The following RAD18 variants were observed in gnomAD, a reference collection of about 807,000 sequenced individuals.
RAD18 encodes RAD18 E3 ubiquitin protein ligase, also known as E3 ubiquitin-protein ligase RAD18.
RAD18 carries 47 observed loss-of-function variants against 60.4 expected under a neutral mutation model. The ratio of observed to expected loss-of-function variants is 0.78; its 90% CI spans 0.62 to 0.99. RAD18 has a LOEUF of 0.99. RAD18 is among the 50% of genes least tolerant of loss of function. The pLI is 0.00. For missense variants in RAD18, 640 were observed against 593.3 expected (o/e 1.08, Z -0.82); for synonymous variants, 225 against 195.5 (o/e 1.15, Z -1.26).
chr3:8,885,307 A>G (rs1307372072), intron 12 of RAD18, among the ~76,000 whole-genome samples: 1 of 152,176 alleles, frequency 6.6e-6, no homozygotes, highest in Non-Finnish European at 1.5e-5. Context: ...AGTACTTTCA[A>G]TTACAGTAAT....
At chr3:8,885,480 GAGAT>G (rs1313850757) in intron 12 of RAD18, among the ~76,000 whole-genome samples, 1 of 152,214 alleles carries the variant, frequency 6.6e-6, no homozygotes. Flanking sequence ...AAGGCACTAT[GAGAT>G]AGAGACAAAG....
chr3:8,914,360 C>T (rs576632200), intron 7 of RAD18, among the ~76,000 whole-genome samples: 1 of 152,316 alleles, frequency 6.6e-6, no homozygotes, highest in African/African-American at 2.4e-5. Flanking sequence ...CCCTAACCCT[C>T]ATTTATACTT....
chr3:8,901,357 A>G (rs1199766081), intron 10 of RAD18, among the ~76,000 whole-genome samples: 1 of 152,234 alleles, frequency 6.6e-6, no homozygotes, highest in Non-Finnish European at 1.5e-5. Context: ...ACCAATGCTC[A>G]TAGCAGCATT....
At chr3:8,916,065 A>G (rs2125056514) in intron 7 of RAD18, among the ~76,000 whole-genome samples, 1 of 152,320 alleles carries the variant, frequency 6.6e-6, no homozygotes, top group Middle Eastern at 3.4e-3. Flanking sequence ...CCCTGAAGAA[A>G]AAAAGCATTA....
At chr3:8,935,076 C>A (rs1489589804) in intron 7 of RAD18, among the ~76,000 whole-genome samples, 1 of 152,172 alleles carries the variant, frequency 6.6e-6, no homozygotes, top group Admixed American at 6.5e-5. Flanking sequence ...TGGGAGGGGG[C>A]AGATAGGGCT....
intron 3 of RAD18, among the ~76,000 whole-genome samples, chr3:8,948,210 A>G (rs1461687188): frequency 6.6e-6 from 1 of 152,224 alleles, no homozygotes; most frequent in Non-Finnish European, 1.5e-5. Flanking sequence ...TCATACCACC[A>G]GAGTTTCTAC....
intron 7 of RAD18, among the ~76,000 whole-genome samples, chr3:8,922,889 G>T (rs979907883): frequency 1.9e-4 from 29 of 152,138 alleles, no homozygotes; most frequent in Non-Finnish European, 1.3e-4. Flanking sequence ...CAAACAGAAA[G>T]GTCATCCACA....
chr3:8,910,299 A>G (rs1940084400), intron 9 of RAD18, among the ~76,000 whole-genome samples: 1 of 152,244 alleles, frequency 6.6e-6, no homozygotes, highest in Non-Finnish European at 1.5e-5. Context: ...AAAGAGAATT[A>G]TTAGTTATAA....
intron 7 of RAD18, among the ~76,000 whole-genome samples, chr3:8,924,157 C>T (rs1940381980): frequency 1.3e-5 from 2 of 152,150 alleles, no homozygotes; most frequent in Admixed American, 6.5e-5. Flanking sequence ...GTGCTGTATT[C>T]AGGAAACTCA....
In RAD18 at chr3:8,890,433, T is replaced by C; in HGVS notation, c.1341A>G (p.Ile447Met). Residue 447 changes from isoleucine to methionine, a missense_variant, in exon 12 of 13, where the codon ATA (isoleucine) becomes ATG (methionine). Physicochemically the swap from Ile to Met is conservative, Grantham distance 10. Coordinates refer to ENST00000264926, the MANE Select transcript of RAD18 (RefSeq NM_020165.4). ...DSCNSSSSDIIRDLLEEEEAW... is the reference protein window; with the variant it reads ...DSCNSSSSDIMRDLLEEEEAW... ...CTTCCTCTTCTTCTAAAAGATCTCT[T>C]ATGATGTCTGAACTGGAACTAAAAG... 1 of 1,592,886 alleles carries C rather than the reference T, an allele frequency of 6.3e-7. No homozygotes were observed. Among genetic ancestry groups the C allele is most frequent in the East Asian group, 2.2e-5 (1 of 44,736 alleles).
chr3:8,951,617 C>T (rs1261397938), intron 2 of RAD18, among the ~76,000 whole-genome samples: 1 of 152,168 alleles, frequency 6.6e-6, no homozygotes, highest in African/African-American at 2.4e-5. Flanking sequence ...TAACAGATAA[C>T]ACTTTGTACA....
In RAD18 at chr3:8,941,807, T is replaced by G; in HGVS notation, c.267-3A>C. The G allele has an allele frequency of 1.2e-6, 2 of 1,604,282 alleles. No individual in the cohort carries two copies. Among genetic ancestry groups the G allele is most frequent in the Non-Finnish European group, 1.7e-6 (2 of 1,173,252 alleles). On this transcript the variant is annotated splice_polypyrimidine_tract_variant and splice_region_variant and intron_variant, in intron 4 of 12. Coordinates refer to ENST00000264926, the MANE Select transcript of RAD18 (RefSeq NM_020165.4). ...AAGCAAACTGCAGCAGATGATTCCT[T>G]GAAGCACAAAGAACACAACAGACAA...
In RAD18 at chr3:8,948,593, T is replaced by C. The variant is rs762427888; in HGVS notation, c.134-23A>G. 15 of 1,567,554 alleles carry C rather than the reference T, an allele frequency of 9.6e-6. No homozygotes were observed. The East Asian group carries it at 2.9e-4, about 30-fold the overall frequency. On this transcript the variant is annotated intron_variant, in intron 2 of 12. Transcript: ENST00000264926. ...AGTCTGCAAAACACAAAGTGCAACA[T>C]AATGTTAATTAAGCTATATTAATAA...
In RAD18 at chr3:8,939,058, A is replaced by G. The variant is rs549284536; in HGVS notation, c.704+496T>C. 2.6e-5 allele frequency among the ~76,000 whole-genome samples: 4 copies of G among 152,218 alleles called. No homozygotes were observed. The South Asian group carries it at 8.3e-4, about 32-fold the overall frequency. ...GGGGGGTGGTGTGGGGTATGACATT[A>G]CATTTCATATATGCATTTTTGTACC... On this transcript the variant is annotated intron_variant, in intron 6 of 12. Coordinates refer to ENST00000264926, the MANE Select transcript of RAD18 (RefSeq NM_020165.4).
chr3:8,929,643 ATT>A (rs71049758), intron 7 of RAD18, among the ~76,000 whole-genome samples: 8,959 of 142,196 alleles, frequency 0.063, 820 homozygotes, highest in African/African-American at 0.21. Flanking sequence ...ACTGGAATTA[ATT>A]TTTTTTTTTT....
intron 2 of RAD18, among the ~76,000 whole-genome samples, chr3:8,954,959 A>C (rs926401380): frequency 6.6e-6 from 1 of 152,214 alleles, no homozygotes; most frequent in Non-Finnish European, 1.5e-5. Context: ...AAAAGTGCTC[A>C]TAAAATAAAA....
At chr3:8,881,506 G>A (rs1559750506) in intron 12 of RAD18, 47 bp from the exon 13 acceptor site, 4 of 1,432,390 alleles carry the variant, frequency 2.8e-6, no homozygotes, top group Non-Finnish European at 3.9e-6. Context: ...AATGATTATT[G>A]TACAGCAGTT....
chr3:8,884,412 C>A (rs1311049708), intron 12 of RAD18, among the ~76,000 whole-genome samples: 1 of 151,908 alleles, frequency 6.6e-6, no homozygotes, highest in Non-Finnish European at 1.5e-5. Context: ...ATCATTTTTA[C>A]TTTTTTTTCA....
chr3:8,959,879 CAAAAAA>C (rs71307734), intron 1 of RAD18, among the ~76,000 whole-genome samples: 1 of 63,298 alleles, frequency 1.6e-5, no homozygotes, highest in Admixed American at 1.8e-4. Context: ...GAAACTGTCT[CAAAAAA>C]AAAAAAAAAA....
Sources: gnomAD v4.1 joint callset for allele counts (sites outside exome capture counted in the v4.1 genomes callset) on GRCh38, gnomAD v4.1.1 for gene constraint, MANE v1.5 for transcripts, NCBI Gene and HGNC (gene_info 2026-07-23, HGNC 2026-07-21) for gene names.